Variants in LINGO2 observed in about 807,000 individuals in gnomAD.
LINGO2 encodes leucine-rich repeat and immunoglobulin-like domain-containing nogo receptor-interacting protein 2.
LINGO2 carries 14 observed loss-of-function variants against 30.6 expected under a neutral mutation model. That is an observed-to-expected ratio of 0.46 (90% CI 0.30 to 0.72). LINGO2 has a LOEUF of 0.72. Among genes scored for constraint, LINGO2 ranks in the 30% least tolerant of loss-of-function variants. LINGO2 has a pLI of 0.07. For synonymous variants in LINGO2, 317 were observed against 288.5 expected, an observed-to-expected ratio of 1.10 and a Z score of -1.00; for missense variants, 729 against 751.7, an observed-to-expected ratio of 0.97 and a Z score of 0.35.
intron 1 of LINGO2, among the ~76,000 whole-genome samples, chr9:28,567,275 A>G (rs953593753): frequency 3.3e-5 from 5 of 152,170 alleles, no homozygotes; most frequent in Non-Finnish European, 7.3e-5. Flanking sequence ...CATTTGACCC[A>G]GCAATACCAC....
At chr9:29,181,207 A>G in the LINGO2 span, among the ~76,000 whole-genome samples, 1 of 152,202 alleles carries the variant, frequency 6.6e-6, no homozygotes, top group Admixed American at 6.5e-5. Context: ...ACAATTTATC[A>G]TATGTACAAA....
chr9:28,604,182 T>G (rs1348281170), intron 1 of LINGO2, among the ~76,000 whole-genome samples: 2 of 151,962 alleles, frequency 1.3e-5, no homozygotes, highest in African/African-American at 4.8e-5. Flanking sequence ...TCACTGTAGT[T>G]TGTGCAAAGT....
chr9:28,444,741 G>C (rs557907215), intron 2 of LINGO2, among the ~76,000 whole-genome samples: 10 of 152,276 alleles, frequency 6.6e-5, no homozygotes, highest in African/African-American at 2.4e-4. Flanking sequence ...CACCTGTGCC[G>C]GTGCCTGAAG....
At chr9:28,447,431 T>A (rs982836870) in intron 2 of LINGO2, among the ~76,000 whole-genome samples, 1 of 152,190 alleles carries the variant, frequency 6.6e-6, no homozygotes, top group Non-Finnish European at 1.5e-5. Flanking sequence ...ACATGGAATT[T>A]ACTAGTGCCT....
chr9:28,166,586 T>A (rs1273961972), intron 4 of LINGO2, among the ~76,000 whole-genome samples: 1 of 152,076 alleles, frequency 6.6e-6, no homozygotes, highest in Admixed American at 6.6e-5. Context: ...AGTGTACAAA[T>A]CAAATGCACA....
At chr9:28,042,838 A>T (rs1824256475) in intron 4 of LINGO2, among the ~76,000 whole-genome samples, 1 of 152,204 alleles carries the variant, frequency 6.6e-6, no homozygotes, top group South Asian at 2.1e-4. Context: ...TATACAAATA[A>T]GAGTTCTGAT....
the LINGO2 span, among the ~76,000 whole-genome samples, chr9:28,712,430 G>T: frequency 7.3e-5 from 11 of 150,404 alleles, no homozygotes; most frequent in South Asian, 2.3e-3. Flanking sequence ...CCAAGCCTAG[G>T]GTTCTTTGGA....
chr9:29,121,954 A>C, the LINGO2 span, among the ~76,000 whole-genome samples: 21 of 152,106 alleles, frequency 1.4e-4, no homozygotes, highest in Non-Finnish European at 3.1e-4. Flanking sequence ...AGGTAAGTTT[A>C]TGCATATTAT....
At chr9:28,847,210 A>T in the LINGO2 span, among the ~76,000 whole-genome samples, 1 of 148,140 alleles carries the variant, frequency 6.8e-6, no homozygotes, top group African/African-American at 2.5e-5. Flanking sequence ...GGCCCCTAAG[A>T]CTCCAATCAC....
At chr9:28,683,284 T>C in the LINGO2 span, among the ~76,000 whole-genome samples, 13 of 152,258 alleles carry the variant, frequency 8.5e-5, no homozygotes, top group East Asian at 7.7e-4. Flanking sequence ...CTAAGCAAGA[T>C]AGATGAGCCG....
At chr9:29,052,274 C>T in the LINGO2 span, among the ~76,000 whole-genome samples, 1 of 152,042 alleles carries the variant, frequency 6.6e-6, no homozygotes, top group Non-Finnish European at 1.5e-5. Flanking sequence ...CAACCAAGAC[C>T]AATAATTACT....
chr9:28,985,040 G>C, the LINGO2 span, among the ~76,000 whole-genome samples: 1 of 151,862 alleles, frequency 6.6e-6, no homozygotes, highest in Non-Finnish European at 1.5e-5. Context: ...CATCCTCCAG[G>C]CTTCTGTAAC....
At chr9:28,935,784 C>T in the LINGO2 span, among the ~76,000 whole-genome samples, 25,804 of 151,706 alleles carry the variant, frequency 0.17, 2,285 homozygotes, top group East Asian at 0.28. Flanking sequence ...CTTTATAATT[C>T]ATTTTGATAA....
chr9:28,048,011 A>G (rs1390367452), intron 4 of LINGO2, among the ~76,000 whole-genome samples: 1 of 150,328 alleles, frequency 6.7e-6, no homozygotes, highest in Non-Finnish European at 1.5e-5. Context: ...AAAAGAAAAA[A>G]TCTAATCACA....
At chr9:28,370,920 TA>T (rs998687717) in intron 3 of LINGO2, among the ~76,000 whole-genome samples, 8 of 152,148 alleles carry the variant, frequency 5.3e-5, no homozygotes, top group African/African-American at 1.9e-4. Context: ...TTTTTCAATC[TA>T]AAAATCTGTT....
chr9:28,076,155 A>G (rs1387937935), intron 4 of LINGO2, among the ~76,000 whole-genome samples: 1 of 151,986 alleles, frequency 6.6e-6, no homozygotes, highest in African/African-American at 2.4e-5. Flanking sequence ...TTCACCCCAC[A>G]TTTTCTTCAC....
chr9:28,873,111 C>A, the LINGO2 span, among the ~76,000 whole-genome samples: 13 of 152,030 alleles, frequency 8.6e-5, no homozygotes, highest in Non-Finnish European at 1.6e-4. Context: ...TTTGGTGGCT[C>A]ACACTGTAAT....
chr9:28,486,831 A>G (rs1432189735), intron 1 of LINGO2, among the ~76,000 whole-genome samples: 1 of 152,136 alleles, frequency 6.6e-6, no homozygotes, highest in African/African-American at 2.4e-5. Context: ...CTCACAATCT[A>G]TGACTAGAGA....
chr9:29,055,940 G>GTATATATATATATATGTGTATATA, the LINGO2 span, among the ~76,000 whole-genome samples: 3 of 120,014 alleles, frequency 2.5e-5, no homozygotes, highest in Middle Eastern at 4.2e-3. Context: ...ATGTGTGTGT[G>GTATATATATATATATGTGTATATA]TATATATACA....
Sources: allele counts gnomAD v4.1 joint callset (sites outside exome capture counted in the v4.1 genomes callset), GRCh38; gene constraint gnomAD v4.1.1; transcripts MANE v1.5; gene names NCBI Gene and HGNC (gene_info 2026-07-23, HGNC 2026-07-21).